MYOM2: variants seen among roughly 807,000 people sequenced by gnomAD.
MYOM2 encodes the protein myomesin 2.
MYOM2 carries 254 observed loss-of-function variants against 187.6 expected under a neutral mutation model. The ratio of observed to expected loss-of-function variants is 1.35; its 90% CI spans 1.22 to 1.50. The LOEUF (loss-of-function observed/expected upper bound fraction) is 1.50, where lower values mean the gene tolerates loss of function less well. Ranked by LOEUF, MYOM2 falls within the 40% of genes most tolerant of loss-of-function variation. The probability of loss-of-function intolerance (pLI) is 0.00; values close to 1 mark genes in which losing one functional copy is unlikely to be tolerated. For missense variants in MYOM2, 2,796 were observed against 1,924.0 expected, an observed-to-expected ratio of 1.45 and a Z score of -8.48; for synonymous variants, 981 against 753.8, an observed-to-expected ratio of 1.30 and a Z score of -4.94.
intron 27 of MYOM2, among the ~76,000 whole-genome samples, chr8:2,116,582 G>A (rs767101371): frequency 3.9e-5 from 6 of 152,140 alleles, no homozygotes; most frequent in Non-Finnish European, 5.9e-5. Context: ...GGCAGTAGAG[G>A]CTATTCCTAT....
Position 2,100,988 on chromosome 8 carries a change from C to G in MYOM2, c.2553C>G (p.Phe851Leu), listed in dbSNP as rs1205335523. The G allele has an allele frequency of 6.2e-7, 1 of 1,614,150 alleles. No individual in the cohort carries two copies. ...CTGTTTCTGGATATTTCGTGGACTTCAGGGAGGAGGATGCTGGAGAGTGGA... is the reference window on the plus strand; with the variant it reads ...CTGTTTCTGGATATTTCGTGGACTTGAGGGAGGAGGATGCTGGAGAGTGGA... The part of the protein sequence containing the change: ...SSPVSGYFVD[F>L]REEDAGEWIT... Residue 851 changes from phenylalanine (F) to leucine (L), a missense_variant, in exon 20 of 37, where the codon TTC (phenylalanine) becomes TTG (leucine). Physicochemically the swap from Phe to Leu is conservative, Grantham distance 22. Transcript: ENST00000262113.
chr8:2,080,522 C>A (rs543737626), intron 13 of MYOM2, among the ~76,000 whole-genome samples: 157 of 152,168 alleles, frequency 1.0e-3, no homozygotes, highest in Non-Finnish European at 1.9e-3. Context: ...GCCAAGGGAA[C>A]CTTTAAGCCT....
At chr8:2,074,246 T>G (rs1211961259) in intron 10 of MYOM2, among the ~76,000 whole-genome samples, 1 of 152,210 alleles carries the variant, frequency 6.6e-6, no homozygotes, top group Non-Finnish European at 1.5e-5. Context: ...TAAGCTGGAA[T>G]TCTTACAGTG....
At chr8:2,116,801 A>C (rs1007826027) in intron 27 of MYOM2, among the ~76,000 whole-genome samples, 5 of 152,226 alleles carry the variant, frequency 3.3e-5, no homozygotes, top group Admixed American at 2.6e-4. Flanking sequence ...TCTGTTGCCC[A>C]GGCTGGAGTG....
chr8:2,078,601 A>G (rs1819513092), intron 11 of MYOM2, 133 bp from the exon 12 acceptor site: 1 of 757,384 alleles, frequency 1.3e-6, no homozygotes. Context: ...TCAATATCTT[A>G]GCAGCAAAGA....
chr8:2,108,619 G>A lies in MYOM2; in HGVS notation c.2999-167G>A, dbSNP rs567935830. 2.0e-5 allele frequency among the ~76,000 whole-genome samples: 3 copies of A among 152,250 alleles called. No homozygotes were observed. In the East Asian group the frequency reaches 5.8e-4, roughly 29 times the overall value. On this transcript the variant is annotated intron_variant, in intron 23 of 36. Coordinates refer to ENST00000262113, the MANE Select transcript of MYOM2 (RefSeq NM_003970.4). ...TAGGTGGGTTCTTTAAATGGTGAAG[G>A]TTAAAGCTATCCTCTATGTCCCTCA...
At chr8:2,051,941 A>T (rs1257613138) in intron 2 of MYOM2, among the ~76,000 whole-genome samples, 1 of 152,242 alleles carries the variant, frequency 6.6e-6, no homozygotes, top group Non-Finnish European at 1.5e-5. Flanking sequence ...ACACATGTGT[A>T]CGCATGTATT....
intron 18 of MYOM2, 67 bp downstream of exon 18, chr8:2,096,501 C>T: frequency 6.7e-7 from 1 of 1,486,858 alleles, no homozygotes; most frequent in East Asian, 2.3e-5. Flanking sequence ...GGCAATGTTT[C>T]TGCGTTTGAT....
At chr8:2,142,294 C>T in intron 34 of MYOM2, 81 bp from the exon 35 acceptor site, 7 of 1,338,732 alleles carry the variant, frequency 5.2e-6, no homozygotes, top group Admixed American at 1.7e-5. Context: ...CGCTAGTGAG[C>T]CTCTCAGCTG....
chr8:2,127,184 C>G (rs546727659), intron 31 of MYOM2, among the ~76,000 whole-genome samples: 8 of 152,004 alleles, frequency 5.3e-5, no homozygotes, highest in Admixed American at 2.0e-4. Context: ...GTTGACTTCA[C>G]CCAGTTCCCA....
chr8:2,091,438 C>T (rs1796298194), intron 15 of MYOM2, among the ~76,000 whole-genome samples: 1 of 152,142 alleles, frequency 6.6e-6, no homozygotes, highest in African/African-American at 2.4e-5. Flanking sequence ...TCCCTGGAGT[C>T]ATAACTCCTT....
intron 32 of MYOM2, among the ~76,000 whole-genome samples, chr8:2,137,375 C>T (rs5023992): frequency 0.16 from 24,400 of 151,522 alleles, 3,707 homozygotes; most frequent in African/African-American, 0.39. Flanking sequence ...CAAAAATCGT[C>T]CCCTTCTTCG....
intron 6 of MYOM2, among the ~76,000 whole-genome samples, chr8:2,062,299 A>G (rs553840174): frequency 6.6e-6 from 1 of 152,310 alleles, no homozygotes; most frequent in Non-Finnish European, 1.5e-5. Flanking sequence ...ATTGACCTCT[A>G]GAGGATCACT....
At chr8:2,144,521 T>G (rs1374504705) in intron 36 of MYOM2, 143 bp from the exon 37 acceptor site, 8 of 817,766 alleles carry the variant, frequency 9.8e-6, no homozygotes, top group Non-Finnish European at 2.0e-6. Context: ...GCGGCGCTCA[T>G]GTACATAAAG....
At chr8:2,085,425 C>A in intron 14 of MYOM2, 35 bp downstream of exon 14, 1 of 1,607,038 alleles carries the variant, frequency 6.2e-7, no homozygotes, top group South Asian at 1.1e-5. Flanking sequence ...AAAAGTAGAT[C>A]TCTGCATGGC....
intron 31 of MYOM2, 63 bp from the exon 32 acceptor site, chr8:2,129,064 C>G (rs1797757980): frequency 2.3e-6 from 3 of 1,279,014 alleles, no homozygotes; most frequent in African/African-American, 1.5e-5. Flanking sequence ...CGCCGCGATG[C>G]TTTCTGTGAT....
intron 32 of MYOM2, among the ~76,000 whole-genome samples, chr8:2,133,228 G>T (rs554172836): frequency 7.1e-4 from 108 of 152,200 alleles, no homozygotes; most frequent in Non-Finnish European, 1.4e-3. Flanking sequence ...CCCAAAGGAG[G>T]TCTGCATTCC....
At chr8:2,087,933 A>C (rs1448199854) in intron 14 of MYOM2, among the ~76,000 whole-genome samples, 1 of 152,188 alleles carries the variant, frequency 6.6e-6, no homozygotes, top group Non-Finnish European at 1.5e-5. Context: ...GCAAGCCACA[A>C]CACCTGTCCT....
Position 2,059,152 on chromosome 8 carries a change from G to A in MYOM2, c.561-1G>A, listed in dbSNP as rs1818769609. ...ACTAAAAACATGCCTCCCTCATTTA[G>A]GTACAAAGATGGCAGTCTGATTTGC... is the stretch of plus-strand genomic sequence containing the variant. On this transcript the variant is annotated splice_acceptor_variant, in intron 5 of 36. Transcript: ENST00000262113. LOFTEE classifies it high-confidence loss of function. 2.5e-6 allele frequency: 4 copies of A among 1,613,752 alleles called. No homozygotes were observed. Among genetic ancestry groups the A allele is most frequent in the Admixed American group, 1.7e-5 (1 of 59,996 alleles).
Sources: allele counts gnomAD v4.1 joint callset (sites outside exome capture counted in the v4.1 genomes callset), GRCh38; gene constraint gnomAD v4.1.1; transcripts MANE v1.5; gene names NCBI Gene and HGNC (gene_info 2026-07-23, HGNC 2026-07-21).